SPAG16: variants seen among roughly 807,000 people sequenced by gnomAD.
SPAG16 encodes sperm-associated antigen 16 protein.
In SPAG16, 86 loss-of-function variants were observed where a neutral mutation model predicts 80.4. That is an observed-to-expected ratio of 1.07 (90% CI 0.90 to 1.28). SPAG16 has a LOEUF of 1.28. SPAG16 is among the 50% of genes most tolerant of loss of function. The probability of loss-of-function intolerance (pLI) is 0.00; values close to 1 mark genes in which losing one functional copy is unlikely to be tolerated. For synonymous variants in SPAG16, 294 were observed against 265.9 expected (o/e 1.11, Z -1.03); for missense variants, 870 against 765.3 (o/e 1.14, Z -1.61).
chr2:214,084,401 A>T (rs2051583639), intron 13 of SPAG16, among the ~76,000 whole-genome samples: 1 of 151,948 alleles, frequency 6.6e-6, no homozygotes, highest in African/African-American at 2.4e-5. Context: ...TGAAAAAAAA[A>T]TCATCTAGAT....
At chr2:213,618,454 C>A (rs1305578806) in intron 10 of SPAG16, among the ~76,000 whole-genome samples, 3 of 152,156 alleles carry the variant, frequency 2.0e-5, no homozygotes, top group African/African-American at 7.2e-5. Flanking sequence ...ACAGTCCCCC[C>A]AAACTGTAAA....
chr2:214,026,173 T>G (rs1044711189), intron 13 of SPAG16, among the ~76,000 whole-genome samples: 35 of 151,570 alleles, frequency 2.3e-4, no homozygotes, highest in African/African-American at 8.2e-4. Flanking sequence ...GCCTTACTGT[T>G]AGCATCTTCT....
chr2:213,699,031 G>A (rs147573244), intron 10 of SPAG16, among the ~76,000 whole-genome samples: 7 of 152,202 alleles, frequency 4.6e-5, no homozygotes, highest in African/African-American at 1.7e-4. Flanking sequence ...TGTTTCTGCT[G>A]GTAATTCTAC....
chr2:213,468,517 C>A (rs60219499), intron 9 of SPAG16, among the ~76,000 whole-genome samples: 65 of 111,898 alleles, frequency 5.8e-4, no homozygotes, highest in East Asian at 4.6e-3. Context: ...ATATATATAT[C>A]TATGTATTTA....
chr2:214,258,490 T>TATATATAC (rs771803590), intron 15 of SPAG16, among the ~76,000 whole-genome samples: 24 of 147,468 alleles, frequency 1.6e-4, no homozygotes, highest in East Asian at 5.9e-4. Context: ...TATATATATA[T>TATATATAC]ACACACACAC....
chr2:213,409,248 GTAAC>G (rs903761593), intron 9 of SPAG16, among the ~76,000 whole-genome samples: 1 of 152,096 alleles, frequency 6.6e-6, no homozygotes, highest in African/African-American at 2.4e-5. Flanking sequence ...TAATTTAAAA[GTAAC>G]TAGGCCTCCT....
intron 10 of SPAG16, among the ~76,000 whole-genome samples, chr2:213,766,803 G>A (rs2068959902): frequency 6.6e-6 from 1 of 152,216 alleles, no homozygotes; most frequent in African/African-American, 2.4e-5. Context: ...CATGGGCTAG[G>A]TATGCAAATA....
intron 12 of SPAG16, among the ~76,000 whole-genome samples, chr2:213,940,726 C>A (rs1044751270): frequency 6.6e-6 from 1 of 152,136 alleles, no homozygotes; most frequent in Admixed American, 6.6e-5. Flanking sequence ...TATGTATCTG[C>A]ACCCCAATAA....
intron 1 of SPAG16, among the ~76,000 whole-genome samples, chr2:213,286,722 A>T (rs944260468): frequency 1.1e-4 from 17 of 152,366 alleles, no homozygotes; most frequent in African/African-American, 4.1e-4. Flanking sequence ...ATCACTCAAC[A>T]GATGCTCCTA....
Position 213,289,267 on chromosome 2 carries a change from A to G in SPAG16, c.136+4648A>G, listed in dbSNP as rs374340021. 3.8e-4 allele frequency among the ~76,000 whole-genome samples: 58 copies of G among 152,354 alleles called. 1 individual carries two copies. In the East Asian group the frequency reaches 0.01, roughly 26 times the overall value. On this transcript the variant is annotated intron_variant, in intron 1 of 15. Coordinates refer to ENST00000331683, the MANE Select transcript of SPAG16 (RefSeq NM_024532.5). ...GATAGAAATATCACATGTGGAGTCC[A>G]TATCTTTGGATCTCCTGGCTTAGAA...
chr2:213,434,751 A>C (rs887483086), intron 9 of SPAG16, among the ~76,000 whole-genome samples: 4 of 152,244 alleles, frequency 2.6e-5, no homozygotes, highest in Admixed American at 2.6e-4. Context: ...AACCACAATG[A>C]TATGTCATCT....
intron 14 of SPAG16, among the ~76,000 whole-genome samples, chr2:214,138,444 C>A (rs1443052816): frequency 6.6e-6 from 1 of 152,132 alleles, no homozygotes; most frequent in Non-Finnish European, 1.5e-5. Context: ...CTGCTGCATG[C>A]AAGAAAAGAC....
At position 214,031,598 on chromosome 2, in the gene SPAG16, TAATAAAATAA is replaced by T. The variant is rs56258151; in HGVS notation, c.1527+17538_1527+17547del. On this transcript the variant is annotated intron_variant, in intron 13 of 15. Coordinates refer to ENST00000331683, the MANE Select transcript of SPAG16 (RefSeq NM_024532.5). The stretch of plus-strand genomic sequence containing the variant: ...TACCCTAAAACTTAAAGTATAATAA[TAATAAAATAA>T]AATAAAATAAAATAAACATGAAAAA... Among the ~76,000 whole-genome samples the T allele has an allele frequency of 1.3e-3, 178 of 132,478 alleles. 1 individual carries two copies. Among genetic ancestry groups the T allele is most frequent in the Middle Eastern group, 7.5e-3 (2 of 268 alleles). 86.9% of individuals were successfully genotyped at this position (132,478 alleles called of 152,430 possible).
chr2:214,407,003 CTGTT>C (rs568342430), intron 15 of SPAG16, among the ~76,000 whole-genome samples: 144 of 152,176 alleles, frequency 9.5e-4, no homozygotes, highest in African/African-American at 3.4e-3. Context: ...TCTCCCTAGA[CTGTT>C]TATTTTCTTT....
intron 15 of SPAG16, among the ~76,000 whole-genome samples, chr2:214,314,871 A>T (rs975876796): frequency 2.0e-5 from 3 of 152,168 alleles, no homozygotes; most frequent in African/African-American, 7.2e-5. Context: ...AGGAAAGAAT[A>T]AAAAATGAAT....
rs116434123 is a variant in SPAG16 at position 214,119,193 on chromosome 2, G to A, written c.1593+10932G>A. Among the ~76,000 whole-genome samples the A allele has an allele frequency of 7.0e-3, 1,059 of 152,128 alleles. 16 individuals carry two copies. Among genetic ancestry groups the A allele is most frequent in the African/African-American group, 0.024 (991 of 41,516 alleles). On this transcript the variant is annotated intron_variant, in intron 14 of 15. Transcript: ENST00000331683. ...TTATATATGGCCCTGAAAAACTATT[G>A]AATTGAATTTTATTTGTTAAATTGA...
intron 9 of SPAG16, among the ~76,000 whole-genome samples, chr2:213,421,716 C>T (rs1182585221): frequency 6.6e-6 from 1 of 152,174 alleles, no homozygotes; most frequent in African/African-American, 2.4e-5. Context: ...CTCACACAGA[C>T]ATTAAAACTA....
intron 13 of SPAG16, among the ~76,000 whole-genome samples, chr2:214,019,079 C>T (rs1161075875): frequency 6.9e-5 from 7 of 102,102 alleles, no homozygotes; most frequent in African/African-American, 1.4e-4. Context: ...AAGTTGAAGA[C>T]TATTTTATTA....
At chr2:213,710,109 T>A (rs2065919258) in intron 10 of SPAG16, among the ~76,000 whole-genome samples, 1 of 151,938 alleles carries the variant, frequency 6.6e-6, no homozygotes, top group African/African-American at 2.4e-5. Flanking sequence ...TGAAACCTCG[T>A]CTCTACTAAA....
Sources: allele counts gnomAD v4.1 joint callset (sites outside exome capture counted in the v4.1 genomes callset), GRCh38; gene constraint gnomAD v4.1.1; transcripts MANE v1.5; gene names NCBI Gene and HGNC (gene_info 2026-07-23, HGNC 2026-07-21).